Variants in CCDC88B observed in about 807,000 individuals in gnomAD.
The protein encoded by CCDC88B is coiled-coil and HOOK domain protein 88B, also known as coiled-coil domain-containing protein 88B.
In CCDC88B, 138 loss-of-function variants were observed where a neutral mutation model predicts 183.7. The observed-to-expected ratio is 0.75, with a 90% CI of 0.65 to 0.87. The LOEUF (loss-of-function observed/expected upper bound fraction) is 0.87. Ranked by LOEUF, CCDC88B falls within the 40% of genes least tolerant of loss-of-function variation. The pLI, the probability that CCDC88B is intolerant of heterozygous loss-of-function variation, is 0.00. For missense variants in CCDC88B, 1,822 were observed against 1,965.6 expected, an observed-to-expected ratio of 0.93 and a Z score of 1.38; for synonymous variants, 835 against 867.5, an observed-to-expected ratio of 0.96 and a Z score of 0.66.
At chr11:64,356,466 AG>A in intron 26 of CCDC88B, 1 of 152,524 alleles carries the variant, frequency 6.6e-6, no homozygotes, top group Non-Finnish European at 1.5e-5. Flanking sequence ...CCACCTACTC[AG>A]GGGGCTGAGG....
chr11:64,351,200 C>G lies in CCDC88B; in HGVS notation c.2903C>G (p.Ala968Gly). 1 of 1,521,474 alleles carries G rather than the reference C, an allele frequency of 6.6e-7. No individual in the cohort carries two copies. Among genetic ancestry groups the G allele is most frequent in the South Asian group, 1.3e-5 (1 of 79,370 alleles). 94.2% of individuals were successfully genotyped at this position (1,521,474 alleles called of 1,614,324 possible). Residue 968 changes from alanine (A) to glycine (G), a missense_variant, in exon 17 of 27, where the codon GCG (alanine) becomes GGG (glycine). By Grantham distance (60) the Ala-to-Gly change is moderately conservative (BLOSUM62 0). Coordinates refer to ENST00000356786, the MANE Select transcript of CCDC88B (RefSeq NM_032251.6). The part of the protein sequence containing the change: ...GPAGLGPKKR[A>G]EPQLVETQNV... ...GCGGGGCTGGGGCCCAAAAAGCGTG[C>G]GGAGCCTCAGCTGGTGGAGACCCAG...
chr11:64,354,125 C>G lies in CCDC88B; in HGVS notation c.4054C>G (p.Pro1352Ala). 2.9e-6 allele frequency: 4 copies of G among 1,372,194 alleles called. No individual in the cohort carries two copies. The highest frequency in any genetic ancestry group is 3.8e-6 in the Non-Finnish European group (4 of 1,056,182). The allele number at this position is 1,372,194 out of a possible 1,614,324, so 85.0% of individuals were successfully genotyped here. A position where few individuals can be genotyped will look rare whatever the true frequency, so the allele number is the denominator to read the frequency against. ...GAGSTESLGG[P>A]PETELPEGRE... ...TGGCAGCACCGAGAGCCTGGGGGGC[C>G]CCCCGGAGACGGAGCTTCCTGAGGG... Residue 1352 changes from proline (P) to alanine (A), a missense_variant, in exon 24 of 27, where the codon CCC (proline) becomes GCC (alanine). Physicochemically the swap from Pro to Ala is conservative, Grantham distance 27. Coordinates refer to ENST00000356786, the MANE Select transcript of CCDC88B (RefSeq NM_032251.6).
At chr11:64,354,570 T>C (rs2036466725) in intron 24 of CCDC88B, among the ~76,000 whole-genome samples, 1 of 151,630 alleles carries the variant, frequency 6.6e-6, no homozygotes, top group Non-Finnish European at 1.5e-5. Flanking sequence ...GCCCCACTCA[T>C]TTGCCTGGCT....
Position 64,355,336 on chromosome 11 carries a change from C to A in CCDC88B, c.4242C>A (p.Thr1414=). ...RSSESFSPGD[T]PRQRFRQRHP... is the part of the protein sequence containing the mutation. ...CTGAGTCATTCAGCCCTGGGGACAC[C>A]CCTAGGCAACGATTCCGACAGCGCC... Residue 1414 remains threonine (T), a synonymous_variant, in exon 25 of 27, where the codon ACC becomes ACA. Transcript: ENST00000356786. 1 of 1,593,960 alleles carries A rather than the reference C, an allele frequency of 6.3e-7. No homozygotes were observed. The highest frequency in any genetic ancestry group is 1.1e-5 in the South Asian group (1 of 88,476).
At chr11:64,354,295 C>G in intron 24 of CCDC88B, 125 bp downstream of exon 24, 2 of 786,836 alleles carry the variant, frequency 2.5e-6, no homozygotes, top group Non-Finnish European at 3.5e-6. Context: ...GGCCTGCCCC[C>G]CCTGCCCTGA....
chr11:64,353,602 G>A, intron 22 of CCDC88B, 106 bp downstream of exon 22: 1 of 1,578,306 alleles, frequency 6.3e-7, no homozygotes, highest in South Asian at 1.1e-5. Flanking sequence ...TGACCTTCCA[G>A]GTCAGTCCAA....
intron 14 of CCDC88B, among the ~76,000 whole-genome samples, chr11:64,345,520 T>G (rs2036074381): frequency 1.3e-5 from 2 of 152,140 alleles, no homozygotes; most frequent in South Asian, 2.1e-4. Flanking sequence ...AAAGGTCTGG[T>G]TCATGCTGGC....
Position 64,344,754 on chromosome 11 carries a change from G to A in CCDC88B, c.2213G>A (p.Arg738Lys), listed in dbSNP as rs1274411576. Residue 738 changes from arginine (R) to lysine (K), a missense_variant, in exon 14 of 27, where the codon AGG becomes AAG. By Grantham distance (26) the Arg-to-Lys change is conservative (BLOSUM62 2). Transcript: ENST00000356786. This position sits in a 1 kb window ranked among gnomAD's most constrained non-coding sequence, Gnocchi z 4.5. ...EALREEVAQL[R>K]RKAEALGDEL... is the part of the protein sequence containing the mutation. ...CTCAGGGAGGAGGTGGCACAGTTGAGGAGAAAGGCTGAGGCCCTTGGAGAT... is the reference window on the plus strand; with the variant it reads ...CTCAGGGAGGAGGTGGCACAGTTGAAGAGAAAGGCTGAGGCCCTTGGAGAT... 6.2e-7 allele frequency: 1 copy of A among 1,613,824 alleles called. No individual in the cohort carries two copies. The highest frequency in any genetic ancestry group is 8.5e-7 in the Non-Finnish European group (1 of 1,179,914).
intron 24 of CCDC88B, among the ~76,000 whole-genome samples, chr11:64,354,881 G>A (rs1430956289): frequency 1.3e-5 from 1 of 75,384 alleles, no homozygotes; most frequent in Non-Finnish European, 2.5e-5. Context: ...CTCCCTGCAT[G>A]AGCCTCAGCC....
In CCDC88B at chr11:64,351,481, G is replaced by A. The variant is rs138291357; in HGVS notation, c.2964G>A (p.Ala988=). Residue 988 remains alanine, a synonymous_variant, in exon 18 of 27, where the codon GCG becomes GCA. Transcript: ENST00000356786. ...VRLIEVERSN[A]MLVAEKAALQ... is the part of the protein sequence containing the mutation. ...TAACCCCCACTTCTGGGCAGAATGC[G>A]ATGCTGGTGGCAGAGAAGGCAGCTT... 295 of 1,587,470 alleles carry A rather than the reference G, an allele frequency of 1.9e-4. No homozygotes were observed. In the East Asian group the frequency reaches 4.8e-3, roughly 26 times the overall value.
intron 15 of CCDC88B, 39 bp downstream of exon 15, chr11:64,349,497 G>C (rs2036244080): frequency 1.3e-6 from 2 of 1,585,618 alleles, no homozygotes; most frequent in South Asian, 2.3e-5. Context: ...GGGAGGCAGG[G>C]GTGTGGTGGG....
In CCDC88B at chr11:64,353,488, G is replaced by A. The variant is rs770633997; in HGVS notation, c.3825G>A (p.Arg1275=). ...ESRDHLHREQ[R]EYLDQLNALR... ...GGGACCACCTGCACCGCGAACAGCGGGAGTACCTGTGAGTGGGCCGCCTGG... is the reference window on the plus strand; with the variant it reads ...GGGACCACCTGCACCGCGAACAGCGAGAGTACCTGTGAGTGGGCCGCCTGG... The change falls in exon 22 of 27, where the codon CGG becomes CGA. Residue 1275 remains arginine (R), a synonymous_variant. Coordinates refer to ENST00000356786, the MANE Select transcript of CCDC88B (RefSeq NM_032251.6). 6.8e-6 allele frequency: 11 copies of A among 1,611,508 alleles called. No homozygotes were observed. The highest frequency in any genetic ancestry group is 9.3e-6 in the Non-Finnish European group (11 of 1,179,694).
At chr11:64,349,986 T>G in intron 16 of CCDC88B, 2 of 380,120 alleles carry the variant, frequency 5.3e-6, no homozygotes, top group Non-Finnish European at 4.9e-6. Context: ...CAGCGATGGT[T>G]TCTGATACCC....
rs1267717081 is a variant in CCDC88B at position 64,351,222 on chromosome 11, C to A, written c.2925C>A (p.Thr975=). ...KKRAEPQLVE[T]QNVRLIEVER... is the part of the protein sequence containing the mutation. ...GTGCGGAGCCTCAGCTGGTGGAGAC[C>A]CAGAATGTGCGGCTTATTGAGGTGG... The change falls in exon 17 of 27, where the codon ACC becomes ACA. Residue 975 remains threonine, a synonymous_variant. Coordinates refer to ENST00000356786, the MANE Select transcript of CCDC88B (RefSeq NM_032251.6). The A allele has an allele frequency of 6.5e-7, 1 of 1,529,046 alleles. No homozygotes were observed. Among genetic ancestry groups the A allele is most frequent in the Non-Finnish European group, 8.8e-7 (1 of 1,138,932 alleles). 94.7% of individuals were successfully genotyped at this position (1,529,046 alleles called of 1,614,324 possible).
chr11:64,347,685 T>G (rs1217332792), intron 14 of CCDC88B, among the ~76,000 whole-genome samples: 1 of 152,188 alleles, frequency 6.6e-6, no homozygotes, highest in Admixed American at 6.5e-5. Context: ...ACTTTCCAGC[T>G]GTGTGGCTTG....
intron 24 of CCDC88B, among the ~76,000 whole-genome samples, chr11:64,354,700 CTCTG>C (rs1322181050): frequency 1.5e-5 from 1 of 67,728 alleles, no homozygotes. Context: ...CGCCCCCCCC[CTCTG>C]ACCCCTCCCC....
At chr11:64,355,089 TC>T in intron 24 of CCDC88B, 104 bp from the exon 25 acceptor site, 1 of 146,806 alleles carries the variant, frequency 6.8e-6, no homozygotes, top group Non-Finnish European at 9.6e-6. Context: ...TCTGACCCCC[TC>T]CCTGCGTGAG....
intron 2 of CCDC88B, 30 bp from the exon 3 acceptor site, chr11:64,340,877 C>T: frequency 6.5e-7 from 1 of 1,534,162 alleles, no homozygotes; most frequent in South Asian, 1.3e-5. Flanking sequence ...TGACGGGAGG[C>T]GGGTCCTCGA....
intron 14 of CCDC88B, among the ~76,000 whole-genome samples, chr11:64,347,279 T>C (rs1185535165): frequency 6.6e-6 from 1 of 152,206 alleles, no homozygotes; most frequent in East Asian, 1.9e-4. Flanking sequence ...GGGCAGCCAC[T>C]GAAGGCTCCC....
Sources: gnomAD v4.1 joint callset for allele counts (sites outside exome capture counted in the v4.1 genomes callset) on GRCh38, gnomAD v4.1.1 for gene constraint, Gnocchi (gnomAD v3.1) non-coding constraint, MANE v1.5 for transcripts, NCBI Gene and HGNC (gene_info 2026-07-23, HGNC 2026-07-21) for gene names.